CDH13: variants seen among roughly 807,000 people sequenced by gnomAD.
CDH13 encodes the protein cadherin 13, also known as cadherin-13.
CDH13 carries 24 observed loss-of-function variants against 63.8 expected under a neutral mutation model. That is an observed-to-expected ratio of 0.38 (90% CI 0.27 to 0.53). CDH13 has a LOEUF of 0.53. Ranked by LOEUF, CDH13 falls within the 20% of genes least tolerant of loss-of-function variation. The pLI is 0.85. For missense variants in CDH13, 1,049 were observed against 903.1 expected (o/e 1.16, Z -2.07); for synonymous variants, 503 against 355.3 (o/e 1.42, Z -4.67).
intron 4 of CDH13, among the ~76,000 whole-genome samples, chr16:83,159,404 A>C (rs182093089): frequency 7.9e-5 from 12 of 152,284 alleles, no homozygotes; most frequent in Admixed American, 2.0e-4. Context: ...ATATTGCAAA[A>C]ATATTTTCTA....
At chr16:82,963,294 G>A (rs927041696) in intron 2 of CDH13, among the ~76,000 whole-genome samples, 4 of 152,068 alleles carry the variant, frequency 2.6e-5, no homozygotes, top group South Asian at 4.2e-4. Flanking sequence ...CAGAAGAATC[G>A]CTTGAACCTG....
chr16:83,249,020 G>A (rs1164713325), intron 5 of CDH13, among the ~76,000 whole-genome samples: 2 of 152,114 alleles, frequency 1.3e-5, no homozygotes, highest in African/African-American at 4.8e-5. Flanking sequence ...TTATACTCAG[G>A]GACTGTAGTG....
At chr16:83,177,262 G>T (rs2038166525) in intron 4 of CDH13, among the ~76,000 whole-genome samples, 1 of 151,984 alleles carries the variant, frequency 6.6e-6, no homozygotes, top group Non-Finnish European at 1.5e-5. Flanking sequence ...TGATAACATT[G>T]CTCATGCTCA....
intron 7 of CDH13, among the ~76,000 whole-genome samples, chr16:83,552,117 G>A (rs2075513978): frequency 6.6e-6 from 1 of 152,228 alleles, no homozygotes; most frequent in African/African-American, 2.4e-5. Flanking sequence ...ATATGGCCCT[G>A]TCCAGGGAAG....
chr16:83,379,063 T>C (rs549538555), intron 6 of CDH13, among the ~76,000 whole-genome samples: 4 of 152,200 alleles, frequency 2.6e-5, no homozygotes, highest in African/African-American at 9.6e-5. Context: ...TGATGTCATA[T>C]TTACCCATGA....
At chr16:83,189,908 G>C (rs1332452134) in intron 4 of CDH13, among the ~76,000 whole-genome samples, 1 of 152,182 alleles carries the variant, frequency 6.6e-6, no homozygotes, top group Non-Finnish European at 1.5e-5. Flanking sequence ...AGTCTCATGA[G>C]ATCTGATGGT....
At chr16:83,268,914 ACT>A (rs2088707188) in intron 5 of CDH13, among the ~76,000 whole-genome samples, 1 of 84,400 alleles carries the variant, frequency 1.2e-5, no homozygotes, top group Admixed American at 1.3e-4. Context: ...TTAAAGGTAA[ACT>A]CTGCCACAAG....
intron 1 of CDH13, among the ~76,000 whole-genome samples, chr16:82,719,083 C>G (rs561294800): frequency 4.6e-5 from 7 of 152,148 alleles, no homozygotes; most frequent in African/African-American, 1.7e-4. Flanking sequence ...AGCCTTAAAT[C>G]AGCTATGCCA....
intron 2 of CDH13, among the ~76,000 whole-genome samples, chr16:82,877,924 G>GAC (rs1213536997): frequency 0.084 from 10,902 of 129,262 alleles, 421 homozygotes; most frequent in Non-Finnish European, 0.095. Context: ...CATACACATA[G>GAC]ACACACACAC....
intron 6 of CDH13, among the ~76,000 whole-genome samples, chr16:83,384,055 T>C (rs1252691476): frequency 6.6e-6 from 1 of 152,200 alleles, no homozygotes; most frequent in African/African-American, 2.4e-5. Context: ...TGCTTGCACA[T>C]ATGTCTACAA....
chr16:83,210,334 G>C (rs909754036), intron 4 of CDH13, among the ~76,000 whole-genome samples: 5 of 151,922 alleles, frequency 3.3e-5, no homozygotes, highest in Admixed American at 6.6e-5. Flanking sequence ...CAAAGTGCTG[G>C]GATTATGAGC....
intron 7 of CDH13, among the ~76,000 whole-genome samples, chr16:83,563,836 T>C (rs2150692400): frequency 6.6e-6 from 1 of 152,302 alleles, no homozygotes. Flanking sequence ...TCTCGGTAAC[T>C]TGGCACCACT....
At chr16:83,175,747 C>T (rs12933700) in intron 4 of CDH13, among the ~76,000 whole-genome samples, 1 of 151,468 alleles carries the variant, frequency 6.6e-6, no homozygotes, top group Non-Finnish European at 1.5e-5. Flanking sequence ...GATCTCTATA[C>T]CTTCCTTTAT....
At chr16:82,698,265 T>C (rs1275694366) in intron 1 of CDH13, among the ~76,000 whole-genome samples, 1 of 152,228 alleles carries the variant, frequency 6.6e-6, no homozygotes, top group Non-Finnish European at 1.5e-5. Flanking sequence ...GTCAAGCATA[T>C]GTTTGCCTTC....
At chr16:83,178,425 T>A (rs1047556885) in intron 4 of CDH13, among the ~76,000 whole-genome samples, 2 of 152,204 alleles carry the variant, frequency 1.3e-5, no homozygotes, top group Non-Finnish European at 2.9e-5. Flanking sequence ...CTAAGATTCT[T>A]CTTGGGACCA....
chr16:83,764,471 G>T (rs1914225313), intron 11 of CDH13, among the ~76,000 whole-genome samples: 1 of 152,174 alleles, frequency 6.6e-6, no homozygotes, highest in Non-Finnish European at 1.5e-5. Flanking sequence ...AATACTGTCA[G>T]TGATGCCCAT....
intron 7 of CDH13, among the ~76,000 whole-genome samples, chr16:83,491,071 T>C (rs910028592): frequency 2.0e-5 from 3 of 152,252 alleles, no homozygotes; most frequent in African/African-American, 7.2e-5. Flanking sequence ...ATCCACATTC[T>C]GGCATGGATA....
intron 6 of CDH13, among the ~76,000 whole-genome samples, chr16:83,468,712 G>C (rs1035220857): frequency 4.6e-5 from 7 of 152,074 alleles, no homozygotes; most frequent in African/African-American, 1.4e-4. Context: ...TCCCTTCTTT[G>C]TTCTTGATGA....
At position 83,216,406 on chromosome 16, in the gene CDH13, A is replaced by ATATG. The variant is rs1305455225; in HGVS notation, c.484-936_484-935insGTAT. 2.5e-3 allele frequency among the ~76,000 whole-genome samples: 155 copies of ATATG among 60,968 alleles called. 11 individuals are homozygous for ATATG. Among genetic ancestry groups the ATATG allele is most frequent in the Middle Eastern group, 9.6e-3 (1 of 104 alleles). The allele number at this position is 60,968 out of a possible 152,430, so 40.0% of individuals were successfully genotyped here. On this transcript the variant is annotated intron_variant, in intron 4 of 13. Transcript: ENST00000567109. ...CTGCCTCCAGCATTGAAATATATAT[A>ATATG]TATATATATATATATATATATATAT... is the stretch of plus-strand genomic sequence containing the variant.
Sources: gnomAD v4.1 joint callset for allele counts (sites outside exome capture counted in the v4.1 genomes callset) on GRCh38, gnomAD v4.1.1 for gene constraint, MANE v1.5 for transcripts, NCBI Gene and HGNC (gene_info 2026-07-23, HGNC 2026-07-21) for gene names.